Variants in CCSER1 observed in about 807,000 individuals in gnomAD.
The protein encoded by CCSER1 is coiled-coil serine rich protein 1.
A neutral mutation model predicts 82.0 loss-of-function variants in CCSER1; 41 were observed. The ratio of observed to expected loss-of-function variants is 0.50; its 90% CI spans 0.39 to 0.65. The LOEUF is 0.65. Among genes scored for constraint, CCSER1 ranks in the 30% least tolerant of loss-of-function variants. The probability of loss-of-function intolerance (pLI) is 0.00; values close to 1 mark genes in which losing one functional copy is unlikely to be tolerated. For missense variants in CCSER1, 1,119 were observed against 1,064.2 expected, an observed-to-expected ratio of 1.05 and a Z score of -0.72; for synonymous variants, 414 against 383.9, an observed-to-expected ratio of 1.08 and a Z score of -0.92.
intron 10 of CCSER1, among the ~76,000 whole-genome samples, chr4:91,413,502 C>CA (rs1209934993): frequency 1.3e-5 from 2 of 148,534 alleles, no homozygotes; most frequent in Non-Finnish European, 3.0e-5. Context: ...AGAACAACAA[C>CA]AACAAAAAAA....
At chr4:90,180,386 C>G (rs747507361) in intron 1 of CCSER1, among the ~76,000 whole-genome samples, 2 of 151,854 alleles carry the variant, frequency 1.3e-5, no homozygotes, top group East Asian at 3.9e-4. Flanking sequence ...GTCAGGAGTT[C>G]GAGACCAGAC....
At chr4:91,327,329 G>T (rs6834615) in intron 10 of CCSER1, among the ~76,000 whole-genome samples, 116,590 of 152,158 alleles carry the variant, frequency 0.77, 45,147 homozygotes, top group East Asian at 0.88. Flanking sequence ...CAATACCACG[G>T]GGAAGCCACC....
intron 10 of CCSER1, among the ~76,000 whole-genome samples, chr4:91,489,751 G>T (rs1380895593): frequency 6.6e-6 from 1 of 151,854 alleles, no homozygotes; most frequent in African/African-American, 2.4e-5. Flanking sequence ...TCGCTCCACT[G>T]CACTCCAGCC....
chr4:90,334,460 T>A (rs939198437), intron 3 of CCSER1, among the ~76,000 whole-genome samples: 1 of 152,148 alleles, frequency 6.6e-6, no homozygotes, highest in Non-Finnish European at 1.5e-5. Flanking sequence ...AAGACAGTGT[T>A]CTTTATTATT....
chr4:91,439,444 CA>C (rs1339120515), intron 10 of CCSER1, among the ~76,000 whole-genome samples: 1 of 152,040 alleles, frequency 6.6e-6, no homozygotes, highest in Non-Finnish European at 1.5e-5. Flanking sequence ...GAGACTTTGT[CA>C]CCACCAGGCC....
intron 10 of CCSER1, among the ~76,000 whole-genome samples, chr4:91,411,211 G>C (rs554988115): frequency 6.6e-6 from 1 of 151,546 alleles, no homozygotes; most frequent in Non-Finnish European, 1.5e-5. Flanking sequence ...AAAGAGGCTT[G>C]GGTGTTATTA....
At chr4:90,442,719 C>G (rs1273242402) in intron 4 of CCSER1, among the ~76,000 whole-genome samples, 1 of 152,162 alleles carries the variant, frequency 6.6e-6, no homozygotes, top group Admixed American at 6.5e-5. Context: ...GATAAGTAAT[C>G]TGTTAGCCCA....
intron 1 of CCSER1, among the ~76,000 whole-genome samples, chr4:90,226,635 T>C (rs930826609): frequency 1.3e-5 from 2 of 152,238 alleles, no homozygotes; most frequent in Non-Finnish European, 2.9e-5. Context: ...TATATTTAAC[T>C]TCAGTGTGAT....
intron 1 of CCSER1, among the ~76,000 whole-genome samples, chr4:90,162,876 T>C (rs1370060053): frequency 6.6e-6 from 1 of 152,162 alleles, no homozygotes. Flanking sequence ...AACAGTGACT[T>C]AGATAAGCGT....
At chr4:90,520,957 T>C (rs566028984) in intron 5 of CCSER1, among the ~76,000 whole-genome samples, 1 of 152,282 alleles carries the variant, frequency 6.6e-6, no homozygotes, top group South Asian at 2.1e-4. Context: ...TAAATTTTTA[T>C]AATACCTTGC....
At position 90,621,836 on chromosome 4, in the gene CCSER1, C is replaced by T. The variant is rs549814360; in HGVS notation, c.1725-6189C>T. On this transcript the variant is annotated intron_variant, in intron 5 of 10. Transcript: ENST00000509176. ...TGGAACTCTATGTCTATCAGCACTA[C>T]GAGTCTCCTTTGTCTGTGGCAGATC... Among the ~76,000 whole-genome samples, 94 of 152,262 alleles carry T rather than the reference C, an allele frequency of 6.2e-4. No homozygotes were observed. The South Asian group carries it at 0.017, about 27-fold the overall frequency.
intron 5 of CCSER1, among the ~76,000 whole-genome samples, chr4:90,618,419 A>G (rs1248768860): frequency 6.6e-6 from 1 of 151,970 alleles, no homozygotes; most frequent in African/African-American, 2.4e-5. Context: ...AAATATACAT[A>G]CAGTAATATT....
chr4:90,705,957 G>A (rs1014896774), intron 6 of CCSER1, among the ~76,000 whole-genome samples: 5 of 152,172 alleles, frequency 3.3e-5, no homozygotes, highest in Admixed American at 6.5e-5. Context: ...TTCAGCTTAC[G>A]CTTGTTGGAC....
rs185520704 is a variant in CCSER1, at chr4:90,169,059, C to T, written c.-42+41228C>T. Among the ~76,000 whole-genome samples, 1,225 of 151,984 alleles carry T rather than the reference C, an allele frequency of 8.1e-3. 13 individuals carry two copies. Among genetic ancestry groups the T allele is most frequent in the Non-Finnish European group, 0.012 (802 of 67,978 alleles). ...GGGATGGCACTGAATCTGTAAATTA[C>T]CTTGGGCAGTATGGCCATGTTCACG... On this transcript the variant is annotated intron_variant, in intron 1 of 10. Transcript: ENST00000509176.
chr4:90,298,531 G>C (rs1579035807), intron 1 of CCSER1, among the ~76,000 whole-genome samples: 1 of 151,824 alleles, frequency 6.6e-6, no homozygotes, highest in South Asian at 2.1e-4. Context: ...CTTGCCTTCT[G>C]CTAGCTTTTG....
At chr4:91,424,781 G>T (rs1459850546) in intron 10 of CCSER1, among the ~76,000 whole-genome samples, 4 of 152,056 alleles carry the variant, frequency 2.6e-5, no homozygotes, top group Non-Finnish European at 4.4e-5. Context: ...TTTTACAGAA[G>T]TAAATGTAAT....
intron 10 of CCSER1, among the ~76,000 whole-genome samples, chr4:91,356,242 CAT>C (rs1748824661): frequency 6.6e-6 from 1 of 152,238 alleles, no homozygotes; most frequent in South Asian, 2.1e-4. Flanking sequence ...CTTTCTGACA[CAT>C]AGAGTGTAAA....
chr4:91,515,813 C>T (rs1178359151), intron 10 of CCSER1, among the ~76,000 whole-genome samples: 2 of 151,430 alleles, frequency 1.3e-5, no homozygotes, highest in African/African-American at 4.8e-5. Context: ...ATTTACTCTC[C>T]TACCAGCAGT....
At chr4:91,493,017 A>C (rs976491296) in intron 10 of CCSER1, among the ~76,000 whole-genome samples, 6 of 152,136 alleles carry the variant, frequency 3.9e-5, no homozygotes, top group African/African-American at 1.4e-4. Context: ...AAGCAAACTC[A>C]TAATGATAGG....
Sources: allele counts gnomAD v4.1 joint callset (sites outside exome capture counted in the v4.1 genomes callset), GRCh38; gene constraint gnomAD v4.1.1; transcripts MANE v1.5; gene names NCBI Gene and HGNC (gene_info 2026-07-23, HGNC 2026-07-21).